Variants in SLCO4C1 observed in about 807,000 individuals in gnomAD.
SLCO4C1 encodes the protein organic anion transporter M1.
A neutral mutation model predicts 72.1 loss-of-function variants in SLCO4C1; 58 were observed. The ratio of observed to expected loss-of-function variants is 0.80; its 90% CI spans 0.65 to 1.00. The LOEUF (loss-of-function observed/expected upper bound fraction) is 1.00, where lower values mean the gene tolerates loss of function less well. SLCO4C1 is among the 50% of genes least tolerant of loss of function. The pLI is 0.00. For missense variants in SLCO4C1, 898 were observed against 857.9 expected (o/e 1.05, Z -0.58); for synonymous variants, 297 against 312.5 (o/e 0.95, Z 0.52).
intron 11 of SLCO4C1, among the ~76,000 whole-genome samples, chr5:102,239,607 A>G (rs992747438): frequency 6.6e-6 from 1 of 152,074 alleles, no homozygotes; most frequent in Non-Finnish European, 1.5e-5. Context: ...CAATTCAAAA[A>G]AGTATTTCAA....
intron 1 of SLCO4C1, among the ~76,000 whole-genome samples, chr5:102,293,568 A>G (rs989410450): frequency 3.3e-5 from 5 of 152,218 alleles, no homozygotes; most frequent in Admixed American, 6.5e-5. Context: ...ATGCTGGGTT[A>G]AATAAACTCA....
intron 10 of SLCO4C1, among the ~76,000 whole-genome samples, chr5:102,241,345 A>G (rs548541690): frequency 6.6e-6 from 1 of 152,298 alleles, no homozygotes; most frequent in South Asian, 2.1e-4. Flanking sequence ...ATGGTCATAT[A>G]TGTAGAAAAC....
intron 3 of SLCO4C1, among the ~76,000 whole-genome samples, chr5:102,269,071 C>T (rs757648130): frequency 1.1e-4 from 17 of 152,034 alleles, no homozygotes; most frequent in East Asian, 3.9e-4. Flanking sequence ...TGTGACTTGA[C>T]GCTCTTCTTT....
intron 8 of SLCO4C1, among the ~76,000 whole-genome samples, chr5:102,251,473 G>A (rs552004062): frequency 6.6e-6 from 1 of 152,140 alleles, no homozygotes; most frequent in South Asian, 2.1e-4. Context: ...AAAAATGGAA[G>A]AGGCTACTCA....
chr5:102,270,925 C>T, intron 2 of SLCO4C1, 119 bp from the exon 3 acceptor site: 2 of 839,566 alleles, frequency 2.4e-6, no homozygotes, highest in Non-Finnish European at 1.7e-6. Context: ...AATCATTTTA[C>T]TTTGATTTAA....
At chr5:102,239,816 C>T (rs958559638) in intron 11 of SLCO4C1, among the ~76,000 whole-genome samples, 4 of 152,012 alleles carry the variant, frequency 2.6e-5, no homozygotes, top group East Asian at 3.8e-4. Flanking sequence ...TATAAACTAA[C>T]ATGGGCCTCT....
intron 10 of SLCO4C1, among the ~76,000 whole-genome samples, chr5:102,242,077 CT>C (rs1748551709): frequency 6.6e-6 from 1 of 152,160 alleles, no homozygotes. Context: ...AAAATCACTG[CT>C]GTCCTGTTAG....
intron 4 of SLCO4C1, among the ~76,000 whole-genome samples, chr5:102,263,324 G>A (rs1476818646): frequency 6.6e-6 from 1 of 152,040 alleles, no homozygotes; most frequent in Admixed American, 6.6e-5. Flanking sequence ...AGACTCTTGA[G>A]ACTCTTCAGA....
intron 3 of SLCO4C1, among the ~76,000 whole-genome samples, chr5:102,266,967 T>C (rs1749053413): frequency 6.6e-6 from 1 of 152,210 alleles, no homozygotes; most frequent in African/African-American, 2.4e-5. Flanking sequence ...CTTGCATCAC[T>C]GAGATCAATT....
intron 12 of SLCO4C1, 39 bp downstream of exon 12, chr5:102,239,212 C>A: frequency 6.7e-7 from 1 of 1,501,300 alleles, no homozygotes; most frequent in Non-Finnish European, 8.9e-7. Context: ...TTTTTACATC[C>A]TTAGTTTACT....
At chr5:102,280,957 A>G (rs1295526820) in intron 2 of SLCO4C1, among the ~76,000 whole-genome samples, 1 of 152,226 alleles carries the variant, frequency 6.6e-6, no homozygotes, top group Non-Finnish European at 1.5e-5. Context: ...TTTTGTAGAT[A>G]TAGACAAGAT....
chr5:102,249,914 A>G (rs928098660), intron 8 of SLCO4C1, 126 bp from the exon 9 acceptor site: 6 of 931,578 alleles, frequency 6.4e-6, no homozygotes, highest in Non-Finnish European at 9.6e-6. Flanking sequence ...TACTAAACAA[A>G]TAAAACGTCT....
In SLCO4C1 at chr5:102,236,605, CGTGTGT is replaced by C. The variant is rs3995237; in HGVS notation, c.*247_*252del. ...GCGTGTGTGTGTGTGTGTGTGTGTT[CGTGTGT>C]GTGTGTGTGTGTGTGCTCGTGTGTG... is the stretch of plus-strand genomic sequence containing the variant. On this transcript the variant is annotated 3_prime_UTR_variant, in exon 13 of 13. Transcript: ENST00000310954. The C allele has an allele frequency of 3.2e-4, 91 of 286,422 alleles. No homozygotes were observed. Among genetic ancestry groups the C allele is most frequent in the Admixed American group, 3.5e-4 (6 of 16,918 alleles). 17.7% of individuals were successfully genotyped at this position (286,422 alleles called of 1,614,324 possible).
intron 8 of SLCO4C1, among the ~76,000 whole-genome samples, chr5:102,253,472 T>G (rs1006696176): frequency 6.6e-6 from 1 of 151,994 alleles, no homozygotes; most frequent in African/African-American, 2.4e-5. Context: ...CAATAGACAC[T>G]GCAGATACAA....
chr5:102,237,775 T>C (rs1011651961), intron 12 of SLCO4C1, among the ~76,000 whole-genome samples: 2 of 152,088 alleles, frequency 1.3e-5, no homozygotes, highest in Admixed American at 1.3e-4. Flanking sequence ...ATTAAAAAGG[T>C]TTTGGAGTTC....
chr5:102,248,756 T>TA (rs796161957), intron 9 of SLCO4C1, among the ~76,000 whole-genome samples: 18 of 152,276 alleles, frequency 1.2e-4, no homozygotes, highest in Middle Eastern at 6.8e-3. Context: ...TAGATCCTTT[T>TA]AAAGTTATCA....
chr5:102,270,505 A>G (rs1182671672), intron 3 of SLCO4C1, 119 bp downstream of exon 3: 2 of 702,876 alleles, frequency 2.8e-6, no homozygotes, highest in Admixed American at 3.7e-5. Context: ...GCATTTATTT[A>G]TTGGGAAAAC....
In SLCO4C1 at chr5:102,277,115, C is replaced by G. The variant is rs1183034980; in HGVS notation, c.620-6309G>C. Among the ~76,000 whole-genome samples the G allele has an allele frequency of 3.3e-5, 5 of 152,148 alleles. No homozygotes were observed. The East Asian group carries it at 9.7e-4, about 29-fold the overall frequency. On this transcript the variant is annotated intron_variant, in intron 2 of 12. Transcript: ENST00000310954. Reference sequence around the variant, plus strand: ...GCATACAAAACAAAAAAAAGAGGCACAAGAAAATTATCATCATTCTAGCCA... The same window carrying G: ...GCATACAAAACAAAAAAAAGAGGCAGAAGAAAATTATCATCATTCTAGCCA...
At chr5:102,270,593 G>A in intron 3 of SLCO4C1, 31 bp downstream of exon 3, 1 of 1,534,406 alleles carries the variant, frequency 6.5e-7, no homozygotes, top group Non-Finnish European at 8.8e-7. Context: ...AAGATAAAGT[G>A]ATACTGAGAC....
Sources: allele counts gnomAD v4.1 joint callset (sites outside exome capture counted in the v4.1 genomes callset), GRCh38; gene constraint gnomAD v4.1.1; transcripts MANE v1.5; gene names NCBI Gene and HGNC (gene_info 2026-07-23, HGNC 2026-07-21).